The following RAPGEF2 variants were observed in gnomAD, a reference collection of about 807,000 sequenced individuals.
The protein encoded by RAPGEF2 is Rap guanine nucleotide exchange factor 2.
A neutral mutation model predicts 186.7 loss-of-function variants in RAPGEF2; 54 were observed. The ratio of observed to expected loss-of-function variants is 0.29; its 90% CI spans 0.23 to 0.36. The LOEUF (loss-of-function observed/expected upper bound fraction) is 0.36, where lower values mean the gene tolerates loss of function less well. Among genes scored for constraint, RAPGEF2 ranks in the 10% least tolerant of loss-of-function variants. RAPGEF2 has a pLI of 1.00. For synonymous variants in RAPGEF2, 712 were observed against 705.9 expected (o/e 1.01, Z -0.14); for missense variants, 1,532 against 2,045.0 (o/e 0.75, Z 4.84).
rs187738838 is a variant in RAPGEF2 at position 159,181,725 on chromosome 4, C to T, written c.70-4917C>T. Among the ~76,000 whole-genome samples the T allele has an allele frequency of 2.2e-3, 331 of 152,004 alleles. 2 individuals are homozygous for T. Among genetic ancestry groups the T allele is most frequent in the African/African-American group, 7.4e-3 (305 of 41,486 alleles). ...TAATTTTTTGTATTTTTAGTAGAGA[C>T]GGGGTTTCACCATGTTGGCCAGGGT... On this transcript the variant is annotated intron_variant, in intron 1 of 29. Coordinates refer to ENST00000691494, the MANE Select transcript of RAPGEF2 (RefSeq NM_001394067.2).
At position 159,120,573 on chromosome 4, in the gene RAPGEF2, T is replaced by C. The variant is rs191167952; in HGVS notation, c.69+16342T>C. The stretch of plus-strand genomic sequence containing the variant: ...TTCAAGATTTATATACATAAACTGC[T>C]CTTAATGTTTTGTAGTGGGATCAGT... On this transcript the variant is annotated intron_variant, in intron 1 of 29. Coordinates refer to ENST00000691494, the MANE Select transcript of RAPGEF2 (RefSeq NM_001394067.2). Among the ~76,000 whole-genome samples the C allele has an allele frequency of 1.0e-3, 156 of 152,354 alleles. 1 individual carries two copies. The highest frequency in any genetic ancestry group is 3.6e-3 in the African/African-American group (148 of 41,584).
chr4:159,117,990 T>C (rs1739238277), intron 1 of RAPGEF2, among the ~76,000 whole-genome samples: 1 of 152,154 alleles, frequency 6.6e-6, no homozygotes, highest in South Asian at 2.1e-4. Context: ...TTGATGAAAT[T>C]TTCACCATGG....
chr4:159,332,130 TA>T, intron 16 of RAPGEF2, 96 bp downstream of exon 16: 1 of 801,776 alleles, frequency 1.2e-6, no homozygotes, highest in South Asian at 1.9e-5. Context: ...AAGCATAGAT[TA>T]GATCTAAATA....
chr4:159,146,903 C>CA (rs1743013600), intron 1 of RAPGEF2, among the ~76,000 whole-genome samples: 2 of 152,302 alleles, frequency 1.3e-5, no homozygotes, highest in South Asian at 4.1e-4. Context: ...TCTGTACTTC[C>CA]AAAATAAAGG....
intron 7 of RAPGEF2, among the ~76,000 whole-genome samples, chr4:159,249,453 A>C (rs1364948908): frequency 6.8e-6 from 1 of 147,844 alleles, no homozygotes; most frequent in Non-Finnish European, 1.5e-5. Context: ...GTTTTAAAAC[A>C]TTATTAACCT....
intron 7 of RAPGEF2, among the ~76,000 whole-genome samples, chr4:159,268,461 C>G (rs1561178982): frequency 1.3e-5 from 2 of 152,078 alleles, no homozygotes; most frequent in South Asian, 2.1e-4. Context: ...TATTGGGCAG[C>G]TAATTTTTAT....
At chr4:159,265,025 A>G (rs556056195) in intron 7 of RAPGEF2, among the ~76,000 whole-genome samples, 1 of 152,298 alleles carries the variant, frequency 6.6e-6, no homozygotes, top group African/African-American at 2.4e-5. Flanking sequence ...GGTTGCTTCT[A>G]CCGTTTGGCA....
chr4:159,161,333 G>A (rs1296968554), intron 1 of RAPGEF2, among the ~76,000 whole-genome samples: 1 of 152,206 alleles, frequency 6.6e-6, no homozygotes, highest in African/African-American at 2.4e-5. Flanking sequence ...AGTTAAAATT[G>A]TATTTTCAAA....
chr4:159,249,639 T>G (rs1258048958), intron 7 of RAPGEF2, among the ~76,000 whole-genome samples: 2 of 152,024 alleles, frequency 1.3e-5, no homozygotes, highest in African/African-American at 4.8e-5. Flanking sequence ...TATATAAAAT[T>G]TCCCCCTTAT....
At chr4:159,151,665 T>C (rs969748263) in intron 1 of RAPGEF2, among the ~76,000 whole-genome samples, 16 of 152,020 alleles carry the variant, frequency 1.1e-4, no homozygotes, top group Non-Finnish European at 2.1e-4. Context: ...GGAAATAAAT[T>C]TGTTAGAGAG....
chr4:159,355,255 T>C (rs1731799486), intron 28 of RAPGEF2, among the ~76,000 whole-genome samples: 2 of 152,294 alleles, frequency 1.3e-5, no homozygotes, highest in Middle Eastern at 3.4e-3. Context: ...TTAAGAAAAA[T>C]AGACACCTTA....
chr4:159,253,583 C>T (rs1196615479), intron 7 of RAPGEF2, among the ~76,000 whole-genome samples: 2 of 152,038 alleles, frequency 1.3e-5, no homozygotes, highest in Admixed American at 1.3e-4. Context: ...AAATGACAAG[C>T]TCATTTTGTT....
At chr4:159,119,609 T>C (rs1275395215) in intron 1 of RAPGEF2, among the ~76,000 whole-genome samples, 4 of 152,234 alleles carry the variant, frequency 2.6e-5, no homozygotes, top group Non-Finnish European at 4.4e-5. Context: ...TATATTACTG[T>C]AGCTACGGTT....
intron 1 of RAPGEF2, among the ~76,000 whole-genome samples, chr4:159,154,801 C>T (rs2111200649): frequency 6.6e-6 from 1 of 152,206 alleles, no homozygotes; most frequent in Non-Finnish European, 1.5e-5. Flanking sequence ...CAGATCCCTT[C>T]CCGTGTTACT....
At chr4:159,177,645 A>G (rs1746575434) in intron 1 of RAPGEF2, among the ~76,000 whole-genome samples, 1 of 152,184 alleles carries the variant, frequency 6.6e-6, no homozygotes, top group African/African-American at 2.4e-5. Flanking sequence ...GAGATCTCCT[A>G]AATAAAACAC....
intron 1 of RAPGEF2, among the ~76,000 whole-genome samples, chr4:159,124,974 G>C (rs1740126916): frequency 6.6e-6 from 1 of 151,348 alleles, no homozygotes; most frequent in African/African-American, 2.4e-5. Context: ...TGTCTAGGTT[G>C]CCTTCAGTTT....
chr4:159,141,582 G>GTATA (rs1553998932), intron 1 of RAPGEF2, among the ~76,000 whole-genome samples: 2 of 138,944 alleles, frequency 1.4e-5, no homozygotes, highest in Non-Finnish European at 3.3e-5. Context: ...GACTAAGTGT[G>GTATA]TATATATATA....
intron 1 of RAPGEF2, among the ~76,000 whole-genome samples, chr4:159,155,072 C>T (rs758392105): frequency 7.9e-5 from 12 of 152,120 alleles, no homozygotes; most frequent in Non-Finnish European, 1.3e-4. Context: ...CCTATAACTT[C>T]CATAATATAT....
chr4:159,140,825 A>G (rs202183789), intron 1 of RAPGEF2, among the ~76,000 whole-genome samples: 2 of 26,230 alleles, frequency 7.6e-5, no homozygotes, highest in African/African-American at 1.7e-4. Flanking sequence ...TTTTTTCTGG[A>G]AAAAAAAAAA....
Sources: allele counts gnomAD v4.1 joint callset (sites outside exome capture counted in the v4.1 genomes callset), GRCh38; gene constraint gnomAD v4.1.1; transcripts MANE v1.5; gene names NCBI Gene and HGNC (gene_info 2026-07-23, HGNC 2026-07-21).